The following CLPB variants were observed in gnomAD, a reference collection of about 807,000 sequenced individuals.
CLPB encodes the protein mitochondrial disaggregase.
In CLPB, 40 loss-of-function variants were observed where a neutral mutation model predicts 78.4. That is an observed-to-expected ratio of 0.51 (90% CI 0.40 to 0.66). The LOEUF is 0.66. Ranked by LOEUF, CLPB falls within the 30% of genes least tolerant of loss-of-function variation. CLPB has a pLI of 0.00. For missense variants in CLPB, 780 were observed against 886.9 expected (o/e 0.88, Z 1.53); for synonymous variants, 333 against 348.0 (o/e 0.96, Z 0.48).
At chr11:72,384,384 G>A (rs568916462) in intron 3 of CLPB, among the ~76,000 whole-genome samples, 7 of 152,160 alleles carry the variant, frequency 4.6e-5, no homozygotes, top group East Asian at 3.9e-4. Context: ...TGTTTGTGGC[G>A]GGTATGGAAT....
At chr11:72,382,560 G>A (rs1854949074) in intron 3 of CLPB, among the ~76,000 whole-genome samples, 1 of 152,080 alleles carries the variant, frequency 6.6e-6, no homozygotes, top group Non-Finnish European at 1.5e-5. Context: ...GTGGGCCCAG[G>A]CTCCAAGCTT....
intron 3 of CLPB, among the ~76,000 whole-genome samples, chr11:72,390,152 A>G (rs1395302629): frequency 6.6e-6 from 1 of 152,058 alleles, no homozygotes; most frequent in Admixed American, 6.6e-5. Flanking sequence ...CAGAAGGCCC[A>G]ACATGCCAGG....
At chr11:72,382,001 T>A (rs1482835804) in intron 3 of CLPB, among the ~76,000 whole-genome samples, 1 of 152,020 alleles carries the variant, frequency 6.6e-6, no homozygotes, top group Non-Finnish European at 1.5e-5. Flanking sequence ...ATTGCCCTAG[T>A]ACCCAGGCTA....
At chr11:72,386,346 C>T (rs1056413783) in intron 3 of CLPB, among the ~76,000 whole-genome samples, 1 of 152,112 alleles carries the variant, frequency 6.6e-6, no homozygotes, top group African/African-American at 2.4e-5. Flanking sequence ...TGCTTACTAA[C>T]CTTCAAAACT....
chr11:72,344,939 G>T lies in CLPB; in HGVS notation c.775+13941C>A, dbSNP rs1590821827. 2.0e-5 allele frequency among the ~76,000 whole-genome samples: 3 copies of T among 152,250 alleles called. No individual in the cohort carries two copies. The Middle Eastern group carries it at 0.01, about 518-fold the overall frequency. ...GCCAAACATATGAATTGATGTTCAA[G>T]TTCACTTATAATAAGATAATCAAAC... On this transcript the variant is annotated intron_variant, in intron 5 of 15. Transcript: ENST00000538039.
chr11:72,312,614 C>A lies in CLPB; in HGVS notation c.989-4010G>T, dbSNP rs1419761510. Among the ~76,000 whole-genome samples, 2 of 152,162 alleles carry A rather than the reference C, an allele frequency of 1.3e-5. No individual in the cohort carries two copies. Among genetic ancestry groups the A allele is most frequent in the African/African-American group, 4.8e-5 (2 of 41,438 alleles). On this transcript the variant is annotated intron_variant, in intron 7 of 15. Transcript: ENST00000538039. This position sits in a 1 kb window ranked among gnomAD's most constrained non-coding sequence, Gnocchi z 4.2. ...AAGGGAGAAAGAACAGGTACTTCAA[C>A]TCATTTTACAGAGAAGAGGAGAAGA...
At chr11:72,420,137 G>A (rs1046263655) in intron 2 of CLPB, among the ~76,000 whole-genome samples, 3 of 152,120 alleles carry the variant, frequency 2.0e-5, no homozygotes, top group Non-Finnish European at 2.9e-5. Flanking sequence ...GAGCCCAGGA[G>A]TTCAAGACCA....
intron 2 of CLPB, among the ~76,000 whole-genome samples, chr11:72,409,846 G>A (rs938756930): frequency 2.0e-5 from 3 of 152,026 alleles, no homozygotes; most frequent in East Asian, 1.9e-4. Context: ...GCGTGGTGGC[G>A]CACGCCTGTA....
At chr11:72,397,008 C>A (rs1162437091) in intron 3 of CLPB, among the ~76,000 whole-genome samples, 1 of 152,086 alleles carries the variant, frequency 6.6e-6, no homozygotes, top group Non-Finnish European at 1.5e-5. Context: ...ATTCATGTAA[C>A]CAGCATGATA....
intron 4 of CLPB, among the ~76,000 whole-genome samples, chr11:72,369,631 CA>C (rs1951006505): frequency 6.6e-6 from 1 of 152,218 alleles, no homozygotes; most frequent in Admixed American, 6.5e-5. Context: ...CAATAAAAAA[CA>C]AATACAAAAT....
chr11:72,380,492 A>G, intron 3 of CLPB, 108 bp from the exon 4 acceptor site: 1 of 800,744 alleles, frequency 1.2e-6, no homozygotes, highest in South Asian at 1.5e-5. Context: ...TGCTCATGTG[A>G]GTGATACGGT....
intron 5 of CLPB, chr11:72,354,579 C>T (rs1950673548): frequency 2.7e-6 from 1 of 366,496 alleles, no homozygotes; most frequent in African/African-American, 2.1e-5. Flanking sequence ...TCTTTCTAGT[C>T]CTACTGCCTC....
intron 7 of CLPB, among the ~76,000 whole-genome samples, chr11:72,309,619 C>T (rs931969745): frequency 2.6e-5 from 4 of 152,186 alleles, no homozygotes; most frequent in Non-Finnish European, 4.4e-5. Flanking sequence ...CCAAGTCACA[C>T]AACTAGTAGA....
intron 2 of CLPB, among the ~76,000 whole-genome samples, chr11:72,425,212 C>A (rs1856337305): frequency 6.6e-6 from 1 of 152,224 alleles, no homozygotes. Context: ...CCAGTAAACT[C>A]TTTCTACTAA....
intron 11 of CLPB, among the ~76,000 whole-genome samples, chr11:72,301,355 T>C (rs1949651971): frequency 6.6e-6 from 1 of 152,216 alleles, no homozygotes; most frequent in African/African-American, 2.4e-5. Context: ...AGACAATGTT[T>C]GGCACACAGG....
At chr11:72,419,043 G>GT (rs1004390327) in intron 2 of CLPB, among the ~76,000 whole-genome samples, 1 of 152,052 alleles carries the variant, frequency 6.6e-6, no homozygotes, top group African/African-American at 2.4e-5. Context: ...ATTTTCTGAG[G>GT]TTTTTTCAAA....
rs1949436755 is a variant in CLPB at position 72,290,372 on chromosome 11, T to C, written c.*2995A>G. ...ATACTGATATAAATTATCAAATAAATAAATGGGGAAAAGGGACAGCTCTTC... is the reference window on the plus strand; with the variant it reads ...ATACTGATATAAATTATCAAATAAACAAATGGGGAAAAGGGACAGCTCTTC... On this transcript the variant is annotated 3_prime_UTR_variant, in exon 16 of 16. Coordinates refer to ENST00000538039, the MANE Select transcript of CLPB (RefSeq NM_001258392.3). 6.6e-6 allele frequency: 1 copy of C among 152,030 alleles called. No individual in the cohort carries two copies. The highest frequency in any genetic ancestry group is 2.4e-5 in the African/African-American group (1 of 41,392). 9.4% of individuals were successfully genotyped at this position (152,030 alleles called of 1,614,324 possible).
intron 4 of CLPB, among the ~76,000 whole-genome samples, chr11:72,374,490 C>T (rs776053228): frequency 2.0e-5 from 3 of 152,120 alleles, no homozygotes; most frequent in Non-Finnish European, 2.9e-5. Flanking sequence ...ACAATCAGGC[C>T]AACAAGATTT....
chr11:72,370,622 G>A (rs1310428663), intron 4 of CLPB, among the ~76,000 whole-genome samples: 3 of 152,216 alleles, frequency 2.0e-5, no homozygotes, highest in African/African-American at 7.2e-5. Context: ...AGCTGACTAA[G>A]CTGGGGGCAC....
Sources: allele counts gnomAD v4.1 joint callset (sites outside exome capture counted in the v4.1 genomes callset), GRCh38; gene constraint gnomAD v4.1.1; non-coding constraint Gnocchi (gnomAD v3.1); transcripts MANE v1.5; gene names NCBI Gene and HGNC (gene_info 2026-07-23, HGNC 2026-07-21).